The following TMEM181 variants were observed in gnomAD, a reference collection of about 807,000 sequenced individuals.
TMEM181 encodes the protein G protein-coupled receptor 178.
TMEM181 carries 39 observed loss-of-function variants against 71.9 expected under a neutral mutation model. That is an observed-to-expected ratio of 0.54 (90% CI 0.42 to 0.71). TMEM181 has a LOEUF of 0.71. Among genes scored for constraint, TMEM181 ranks in the 30% least tolerant of loss-of-function variants. The pLI is 0.00. For missense variants in TMEM181, 595 were observed against 583.0 expected, an observed-to-expected ratio of 1.02 and a Z score of -0.21; for synonymous variants, 245 against 228.8, an observed-to-expected ratio of 1.07 and a Z score of -0.64.
At chr6:158,560,264 G>A (rs1314213321) in intron 1 of TMEM181, 32 bp downstream of exon 1, 1 of 985,072 alleles carries the variant, frequency 1.0e-6, no homozygotes, top group Non-Finnish European at 1.2e-6. Context: ...CGGGCTGGCT[G>A]GCTCTCCGGA....
At chr6:158,631,680 G>A (rs1307312646) in intron 16 of TMEM181, 130 bp from the exon 17 acceptor site, 6 of 1,045,116 alleles carry the variant, frequency 5.7e-6, no homozygotes, top group Non-Finnish European at 8.6e-6. Context: ...GTGAGCAGTA[G>A]CAGTTGGTGA....
intron 1 of TMEM181, among the ~76,000 whole-genome samples, chr6:158,548,179 T>C (rs1281892914): frequency 6.6e-6 from 1 of 152,108 alleles, no homozygotes; most frequent in East Asian, 1.9e-4. Flanking sequence ...ACACAGTAGT[T>C]TGGAAATAAA....
intron 13 of TMEM181, chr6:158,626,740 A>G (rs1287364801): frequency 8.9e-6 from 4 of 451,656 alleles, no homozygotes; most frequent in Admixed American, 7.2e-5. Flanking sequence ...TCTCATACAC[A>G]TGGCCATACA....
chr6:158,615,684 A>G (rs915881236), intron 10 of TMEM181, among the ~76,000 whole-genome samples: 7 of 152,110 alleles, frequency 4.6e-5, no homozygotes, highest in Non-Finnish European at 7.4e-5. Flanking sequence ...AAGAGATCCC[A>G]TTTCAGCTTT....
chr6:158,557,684 A>G (rs1781953286), upstream of TMEM181, among the ~76,000 whole-genome samples: 1 of 151,940 alleles, frequency 6.6e-6, no homozygotes, highest in Admixed American at 6.6e-5. Flanking sequence ...CGCCCAGCTA[A>G]TTTTTGTATT....
intron 1 of TMEM181, among the ~76,000 whole-genome samples, chr6:158,554,037 G>A (rs375034535): frequency 5.3e-4 from 81 of 152,146 alleles, no homozygotes; most frequent in African/African-American, 1.8e-3. Flanking sequence ...CTCCCGAGTA[G>A]CTGGGATTAC....
At chr6:158,578,665 G>A (rs2128297404) in intron 2 of TMEM181, among the ~76,000 whole-genome samples, 1 of 152,104 alleles carries the variant, frequency 6.6e-6, no homozygotes, top group South Asian at 2.1e-4. Flanking sequence ...TATTAAAAGA[G>A]GTACAAAAAG....
chr6:158,624,663 G>A (rs912707994), intron 11 of TMEM181, among the ~76,000 whole-genome samples: 2 of 152,246 alleles, frequency 1.3e-5, no homozygotes, highest in Non-Finnish European at 2.9e-5. Context: ...GAAAACAGAG[G>A]TCGGGAATGG....
intron 2 of TMEM181, among the ~76,000 whole-genome samples, 168 bp from the exon 3 acceptor site, chr6:158,580,772 T>G (rs1180441391): frequency 1.3e-5 from 2 of 152,180 alleles, no homozygotes; most frequent in Admixed American, 1.3e-4. Context: ...TGTGTCTGTG[T>G]TTGTGTGTTT....
At chr6:158,550,586 G>A (rs1176359410) in intron 1 of TMEM181, among the ~76,000 whole-genome samples, 1 of 151,820 alleles carries the variant, frequency 6.6e-6, no homozygotes, top group African/African-American at 2.4e-5. Context: ...AACTTGGGAG[G>A]TGGAGGTTGC....
chr6:158,573,078 T>A (rs552093684), intron 1 of TMEM181, among the ~76,000 whole-genome samples: 5 of 152,188 alleles, frequency 3.3e-5, no homozygotes, highest in Admixed American at 3.3e-4. Context: ...AGTAGTGGGA[T>A]CTGGCCACTG....
At chr6:158,627,857 G>C (rs1481908834) in intron 13 of TMEM181, among the ~76,000 whole-genome samples, 1 of 152,206 alleles carries the variant, frequency 6.6e-6, no homozygotes, top group Non-Finnish European at 1.5e-5. Flanking sequence ...AGGCAGGTGG[G>C]GGAGGAGCCT....
chr6:158,590,697 G>A (rs1336685879), intron 6 of TMEM181, among the ~76,000 whole-genome samples: 2 of 152,108 alleles, frequency 1.3e-5, no homozygotes, highest in African/African-American at 4.8e-5. Context: ...CTCCTGACCT[G>A]GTGATCCGCC....
chr6:158,578,454 C>G (rs917905021), intron 2 of TMEM181, among the ~76,000 whole-genome samples: 1 of 152,104 alleles, frequency 6.6e-6, no homozygotes, highest in Admixed American at 6.5e-5. Context: ...TGGTTTGTAA[C>G]TCCACATTTT....
At chr6:158,536,947 T>A (rs1322413134) in intron 1 of TMEM181, 27 of 1,116,284 alleles carry the variant, frequency 2.4e-5, no homozygotes, top group Admixed American at 9.1e-5. Flanking sequence ...CGCCCCGGCC[T>A]TGGCCTGGTC....
intron 1 of TMEM181, among the ~76,000 whole-genome samples, chr6:158,549,952 CTT>C (rs34066198): frequency 1.8e-4 from 20 of 110,790 alleles, no homozygotes; most frequent in Non-Finnish European, 1.2e-4. Flanking sequence ...TTTGTCAGGA[CTT>C]TTTTTTTTTT....
chr6:158,609,334 G>A (rs566349295), intron 10 of TMEM181, among the ~76,000 whole-genome samples: 2 of 151,092 alleles, frequency 1.3e-5, no homozygotes, highest in South Asian at 2.1e-4. Context: ...TTTTTTAGAC[G>A]AATAGGAGGG....
intron 6 of TMEM181, among the ~76,000 whole-genome samples, chr6:158,595,761 G>C (rs1480750420): frequency 6.6e-6 from 1 of 152,146 alleles, no homozygotes; most frequent in African/African-American, 2.4e-5. Flanking sequence ...CAGGGTTAGT[G>C]TTCCTCTGGG....
intron 4 of TMEM181, among the ~76,000 whole-genome samples, chr6:158,584,292 G>A (rs1017534545): frequency 2.6e-5 from 4 of 152,318 alleles, no homozygotes; most frequent in African/African-American, 7.2e-5. Flanking sequence ...TGGTGTCGGC[G>A]CTACAGCTGC....
Sources: allele counts gnomAD v4.1 joint callset (sites outside exome capture counted in the v4.1 genomes callset), GRCh38; gene constraint gnomAD v4.1.1; transcripts MANE v1.5; gene names NCBI Gene and HGNC (gene_info 2026-07-23, HGNC 2026-07-21).